COL26A1: variants seen among roughly 807,000 people sequenced by gnomAD.
COL26A1 encodes the protein collagen type XXVI alpha 1 chain.
A neutral mutation model predicts 59.3 loss-of-function variants in COL26A1; 41 were observed. The observed-to-expected ratio is 0.69, with a 90% CI of 0.54 to 0.90. COL26A1 has a LOEUF of 0.90. COL26A1 is among the 40% of genes least tolerant of loss of function. The probability of loss-of-function intolerance (pLI) is 0.00; values close to 1 mark genes in which losing one functional copy is unlikely to be tolerated. For missense variants in COL26A1, 612 were observed against 602.3 expected, an observed-to-expected ratio of 1.02 and a Z score of -0.17; for synonymous variants, 266 against 256.0, an observed-to-expected ratio of 1.04 and a Z score of -0.37.
intron 1 of COL26A1, chr7:101,389,006 C>G (rs1791660981): frequency 3.3e-6 from 1 of 302,514 alleles, no homozygotes; most frequent in East Asian, 9.5e-5. Context: ...GCTTCCCCTT[C>G]TTGGGCTTTT....
chr7:101,362,485 CGGAAGACTCGCATTT>C (rs141694666), upstream of COL26A1, among the ~76,000 whole-genome samples: 553 of 152,314 alleles, frequency 3.6e-3, 6 homozygotes, highest in African/African-American at 0.012. Flanking sequence ...GCACAAGGAT[CGGAAGACTCGCATTT>C]GTCTGGCTTA....
chr7:101,363,210 G>C lies in COL26A1; in HGVS notation c.158+20G>C. On this transcript the variant is annotated intron_variant, in intron 1 of 12. Coordinates refer to ENST00000313669, the MANE Select transcript of COL26A1 (RefSeq NM_001278563.3). ...CCGCCGGTGAGTAGCTCGGGGCCGAGGGGCCGGGGGGTGGGGGGAGGGAGC... is the reference window on the plus strand; with the variant it reads ...CCGCCGGTGAGTAGCTCGGGGCCGACGGGCCGGGGGGTGGGGGGAGGGAGC... 2 of 1,384,788 alleles carry C rather than the reference G, an allele frequency of 1.4e-6. No individual in the cohort carries two copies. The highest frequency in any genetic ancestry group is 1.9e-6 in the Non-Finnish European group (2 of 1,052,694). The allele number at this position is 1,384,788 out of a possible 1,614,324, so 85.8% of individuals were successfully genotyped here. A position where few individuals can be genotyped will look rare whatever the true frequency, so the allele number is the denominator to read the frequency against.
intron 2 of COL26A1, 38 bp from the exon 3 acceptor site, chr7:101,447,646 T>A (rs1331047072): frequency 7.5e-7 from 1 of 1,333,754 alleles, no homozygotes; most frequent in East Asian, 2.6e-5. Flanking sequence ...GGTGGGTGGG[T>A]GGGAGCTCAT....
chr7:101,471,508 C>T (rs532401267), intron 3 of COL26A1, among the ~76,000 whole-genome samples: 1 of 149,272 alleles, frequency 6.7e-6, no homozygotes, highest in Non-Finnish European at 1.5e-5. Flanking sequence ...ACGTCAAATA[C>T]AATGCTTGCT....
intron 2 of COL26A1, among the ~76,000 whole-genome samples, chr7:101,440,593 G>A (rs185928530): frequency 5.1e-4 from 77 of 152,300 alleles, no homozygotes; most frequent in African/African-American, 1.7e-3. Flanking sequence ...ACCTACTGGT[G>A]TGCCCCACGC....
At chr7:101,451,639 G>A (rs1262514619) in intron 3 of COL26A1, among the ~76,000 whole-genome samples, 7 of 150,762 alleles carry the variant, frequency 4.6e-5, no homozygotes, top group Admixed American at 4.6e-4. Flanking sequence ...CACTAAGGTT[G>A]AGCCTATGGG....
intron 1 of COL26A1, among the ~76,000 whole-genome samples, chr7:101,399,962 T>G (rs1167856373): frequency 6.6e-6 from 1 of 152,180 alleles, no homozygotes; most frequent in Admixed American, 6.6e-5. Flanking sequence ...GAGATCCAAG[T>G]TGAGTAAGTC....
intron 3 of COL26A1, among the ~76,000 whole-genome samples, chr7:101,492,683 C>T (rs1272346830): frequency 6.7e-6 from 1 of 149,232 alleles, no homozygotes; most frequent in Admixed American, 6.7e-5. Context: ...GGCAACAGAG[C>T]AAGACTCTGT....
At chr7:101,554,567 TAA>T (rs57638079) in intron 11 of COL26A1, among the ~76,000 whole-genome samples, 11 of 120,510 alleles carry the variant, frequency 9.1e-5, no homozygotes, top group Admixed American at 2.8e-4. Context: ...CCCCATTTCT[TAA>T]AAAAAAAAAA....
chr7:101,481,690 ATCC>A (rs1274479142), intron 3 of COL26A1, among the ~76,000 whole-genome samples: 1 of 151,518 alleles, frequency 6.6e-6, no homozygotes, highest in African/African-American at 2.4e-5. Context: ...GCCTCAAGCA[ATCC>A]TCCTGCCTCA....
intron 3 of COL26A1, among the ~76,000 whole-genome samples, chr7:101,498,691 G>T (rs1176107099): frequency 1.3e-5 from 2 of 152,198 alleles, no homozygotes; most frequent in African/African-American, 4.8e-5. Flanking sequence ...TTTTCATTTG[G>T]AGAAGGTCTT....
In COL26A1 at chr7:101,539,875, C is replaced by G. The variant is rs1795571236; in HGVS notation, c.448-18C>G. The G allele has an allele frequency of 1.2e-6, 2 of 1,605,152 alleles. No individual in the cohort carries two copies. The highest frequency in any genetic ancestry group is 1.7e-5 in the Admixed American group (1 of 57,746). ...TCAGGCCCAACTGGGACCTGACTCT[C>G]TATCTCCTTTGGCCCAGGTCCTCCT... On this transcript the variant is annotated intron_variant, in intron 4 of 12. Coordinates refer to ENST00000313669, the MANE Select transcript of COL26A1 (RefSeq NM_001278563.3).
intron 1 of COL26A1, among the ~76,000 whole-genome samples, chr7:101,384,312 C>T (rs1345464278): frequency 4.2e-5 from 6 of 143,618 alleles, no homozygotes; most frequent in African/African-American, 1.5e-4. Flanking sequence ...TCTCGGCTTA[C>T]TGCAACCTCC....
chr7:101,487,163 C>T (rs1794287064), intron 3 of COL26A1, among the ~76,000 whole-genome samples: 1 of 152,142 alleles, frequency 6.6e-6, no homozygotes, highest in African/African-American at 2.4e-5. Flanking sequence ...TGGGGCTGGT[C>T]ACAGACACTG....
chr7:101,527,084 C>T (rs905205689), intron 3 of COL26A1, among the ~76,000 whole-genome samples: 7 of 152,128 alleles, frequency 4.6e-5, no homozygotes, highest in Non-Finnish European at 8.8e-5. Flanking sequence ...AATCCTCCCA[C>T]CTCAGCCTCC....
rs138259475 is a variant in COL26A1, at chr7:101,411,953, A to G, written c.159-8024A>G. ...ACTCCATTCCAAAACAAAACAAAAG[A>G]AAAAACAAAAGCCCTGGTCTCTGAC... is the stretch of plus-strand genomic sequence containing the variant. On this transcript the variant is annotated intron_variant, in intron 1 of 12. Transcript: ENST00000313669. 3.7e-3 allele frequency among the ~76,000 whole-genome samples: 564 copies of G among 152,230 alleles called. 7 individuals carry two copies. The highest frequency in any genetic ancestry group is 0.012 in the African/African-American group (518 of 41,542).
intron 4 of COL26A1, among the ~76,000 whole-genome samples, chr7:101,535,163 C>T (rs1047491712): frequency 6.6e-6 from 1 of 152,176 alleles, no homozygotes; most frequent in African/African-American, 2.4e-5. Flanking sequence ...GACCCAGCTG[C>T]TCTCCTTGGA....
chr7:101,368,871 T>C (rs1791111434), intron 1 of COL26A1, among the ~76,000 whole-genome samples: 1 of 151,060 alleles, frequency 6.6e-6, no homozygotes, highest in Non-Finnish European at 1.5e-5. Flanking sequence ...TCCCCCTTAT[T>C]TACTATTTGT....
intron 3 of COL26A1, among the ~76,000 whole-genome samples, chr7:101,532,859 T>C (rs6949545): frequency 0.12 from 18,595 of 152,186 alleles, 1,489 homozygotes; most frequent in African/African-American, 0.22. Flanking sequence ...ACAGACAGTA[T>C]AGTGTACTGC....
Sources: allele counts gnomAD v4.1 joint callset (sites outside exome capture counted in the v4.1 genomes callset), GRCh38; gene constraint gnomAD v4.1.1; transcripts MANE v1.5; gene names NCBI Gene and HGNC (gene_info 2026-07-23, HGNC 2026-07-21).